The following MTTP variants were observed in gnomAD, a reference collection of about 807,000 sequenced individuals.
MTTP encodes microsomal triglyceride transfer protein.
Under a neutral mutation model 90.6 loss-of-function variants are expected in MTTP, and 49 were observed. The ratio of observed to expected loss-of-function variants is 0.54; its 90% CI spans 0.43 to 0.69. The LOEUF (loss-of-function observed/expected upper bound fraction) is 0.69, where lower values mean the gene tolerates loss of function less well. Among genes scored for constraint, MTTP ranks in the 30% least tolerant of loss-of-function variants. The probability of loss-of-function intolerance (pLI) is 0.00; values close to 1 mark genes in which losing one functional copy is unlikely to be tolerated. For synonymous variants in MTTP, 347 were observed against 384.2 expected (o/e 0.90, Z 1.13); for missense variants, 945 against 1,067.5 (o/e 0.89, Z 1.60).
intron 3 of MTTP, among the ~76,000 whole-genome samples, chr4:99,587,839 G>C (rs553367649): frequency 6.6e-6 from 1 of 152,236 alleles, no homozygotes; most frequent in South Asian, 2.1e-4. Flanking sequence ...ATTACACTGT[G>C]ATTATTAGAG....
At chr4:99,588,408 C>A (rs559373929) in intron 3 of MTTP, among the ~76,000 whole-genome samples, 1 of 152,170 alleles carries the variant, frequency 6.6e-6, no homozygotes, top group Admixed American at 6.6e-5. Context: ...AGGGTGAAAA[C>A]CAACAAGCTG....
chr4:99,591,353 T>C lies in MTTP; in HGVS notation c.618+2T>C. ...TCTGGATTTACGACCCCAAATCAGG[T>C]ATGATAGATGTCACTTTCTTTGAGG... is the stretch of plus-strand genomic sequence containing the variant. On this transcript the variant is annotated splice_donor_variant, in intron 5 of 17. Transcript: ENST00000265517. LOFTEE classifies it high-confidence loss of function. 1 of 1,586,288 alleles carries C rather than the reference T, an allele frequency of 6.3e-7. No individual in the cohort carries two copies. The highest frequency in any genetic ancestry group is 8.7e-7 in the Non-Finnish European group (1 of 1,154,788).
chr4:99,569,791 C>T (rs1724794071), intron 1 of MTTP, among the ~76,000 whole-genome samples: 1 of 151,970 alleles, frequency 6.6e-6, no homozygotes, highest in African/African-American at 2.4e-5. Context: ...GTTTACCAGA[C>T]TGCTTCCTTT....
chr4:99,606,136 C>T (rs912193655), intron 10 of MTTP, among the ~76,000 whole-genome samples: 1 of 152,142 alleles, frequency 6.6e-6, no homozygotes, highest in African/African-American at 2.4e-5. Flanking sequence ...AACTTACACT[C>T]AATCCCCCTT....
chr4:99,570,769 T>A (rs569909289), upstream of MTTP: 2 of 455,628 alleles, frequency 4.4e-6, no homozygotes, highest in Non-Finnish European at 8.8e-6. Flanking sequence ...CAGAGTGATA[T>A]GAAGTAAAAA....
intron 6 of MTTP, among the ~76,000 whole-genome samples, chr4:99,593,207 C>T (rs150849944): frequency 0.023 from 3,536 of 152,112 alleles, 107 homozygotes; most frequent in Middle Eastern, 0.1. Context: ...CAACAATTCA[C>T]GGCACATGGT....
chr4:99,568,510 G>A (rs1212781501), intron 1 of MTTP, among the ~76,000 whole-genome samples: 1 of 152,186 alleles, frequency 6.6e-6, no homozygotes, highest in Non-Finnish European at 1.5e-5. Context: ...TAAATGGAGA[G>A]ATATGTGTTC....
chr4:99,619,833 C>G (rs1477058047), intron 16 of MTTP, among the ~76,000 whole-genome samples: 2 of 152,144 alleles, frequency 1.3e-5, no homozygotes, highest in Admixed American at 6.5e-5. Context: ...TGAAGTGTGA[C>G]CCACAGTGTT....
rs563138284 is a variant in MTTP at position 99,580,574 on chromosome 4, C to CAAAAAAAAAAAAAAAAAAAAAAAAAAAA, written c.62-1305_62-1304insAAAAAAAAAAAAAAAAAAAAAAAAAAAA. Among the ~76,000 whole-genome samples, 37 of 39,898 alleles carry CAAAAAAAAAAAAAAAAAAAAAAAAAAAA rather than the reference C, an allele frequency of 9.3e-4. 1 individual carries two copies. The highest frequency in any genetic ancestry group is 1.8e-3 in the Admixed American group (5 of 2,738). The allele number at this position is 39,898 out of a possible 152,430, so 26.2% of individuals were successfully genotyped here. A position where few individuals can be genotyped will look rare whatever the true frequency, so the allele number is the denominator to read the frequency against. On this transcript the variant is annotated intron_variant, in intron 1 of 17. Coordinates refer to ENST00000265517, the MANE Select transcript of MTTP (RefSeq NM_001386140.1). ...TGGCCGACAGAGTGAGACTCTGTCT[C>CAAAAAAAAAAAAAAAAAAAAAAAAAAAA]AAAAAAAAAAAAAAAAAAAAAAAAA...
In MTTP at chr4:99,622,731, G is replaced by A. The variant is rs544643492; in HGVS notation, c.2568G>A (p.Gln856=). 1 of 1,614,086 alleles carries A rather than the reference G, an allele frequency of 6.2e-7. No homozygotes were observed. Among genetic ancestry groups the A allele is most frequent in the South Asian group, 1.1e-5 (1 of 91,084 alleles). The part of the protein sequence containing the change: ...RLSTGRGYVS[Q]KRKESVLAGC... ...CCACAGGCAGAGGTTATGTCTCTCA[G>A]AAAAGAAAAGAAAGCGTATTAGCAG... Residue 856 remains glutamine (Q), a synonymous_variant, in exon 18 of 18, where the codon CAG becomes CAA. Coordinates refer to ENST00000265517, the MANE Select transcript of MTTP (RefSeq NM_001386140.1).
At chr4:99,602,646 G>C (rs145855658) in intron 10 of MTTP, among the ~76,000 whole-genome samples, 1 of 151,672 alleles carries the variant, frequency 6.6e-6, no homozygotes, top group Non-Finnish European at 1.5e-5. Context: ...AAAAGGCTTG[G>C]GTATTAACTT....
chr4:99,566,288 CAAAAAAAAGAAA>C (rs1485373830), intron 1 of MTTP, among the ~76,000 whole-genome samples: 1 of 80,448 alleles, frequency 1.2e-5, no homozygotes, highest in African/African-American at 5.0e-5. Flanking sequence ...TACTCCGTCT[CAAAAAAAAGAAA>C]AAAAAAAAAA....
At chr4:99,621,642 G>C (rs1726236638) in intron 17 of MTTP, among the ~76,000 whole-genome samples, 1 of 152,138 alleles carries the variant, frequency 6.6e-6, no homozygotes, top group Admixed American at 6.5e-5. Context: ...ATGTTTAAGG[G>C]CCAAAATGAA....
intron 10 of MTTP, among the ~76,000 whole-genome samples, chr4:99,602,901 C>T (rs1578247956): frequency 6.6e-6 from 1 of 152,082 alleles, no homozygotes; most frequent in African/African-American, 2.4e-5. Context: ...ATTCTACCAT[C>T]CTCAAAGAAC....
intron 17 of MTTP, among the ~76,000 whole-genome samples, chr4:99,621,915 T>C (rs77792477): frequency 1.2e-3 from 177 of 152,334 alleles, no homozygotes; most frequent in African/African-American, 3.9e-3. Context: ...ATAGTTGACC[T>C]ACGGTAAGCA....
At chr4:99,581,315 T>C in intron 1 of MTTP, among the ~76,000 whole-genome samples, 1 of 152,214 alleles carries the variant, frequency 6.6e-6, no homozygotes, top group East Asian at 1.9e-4. Flanking sequence ...AGTAAAACAT[T>C]ATTTTATTCG....
In MTTP at chr4:99,591,788, G is replaced by A. The variant is rs750749323; in HGVS notation, c.756G>A (p.Ser252=). ...FLQTIKGKIV[S]KQKLELKTTE... Reference sequence around the variant, plus strand: ...AAACCATTAAGGGGAAAATAGTATCGAAGTAAGATAATGCTAAAATTTTTA... The same window carrying A: ...AAACCATTAAGGGGAAAATAGTATCAAAGTAAGATAATGCTAAAATTTTTA... Residue 252 remains serine, a splice_region_variant and synonymous_variant, in exon 6 of 18, where the codon TCG becomes TCA. Coordinates refer to ENST00000265517, the MANE Select transcript of MTTP (RefSeq NM_001386140.1). 1.5e-5 allele frequency: 24 copies of A among 1,610,458 alleles called. No homozygotes were observed. The highest frequency in any genetic ancestry group is 7.7e-5 in the South Asian group (7 of 90,824).
intron 1 of MTTP, among the ~76,000 whole-genome samples, chr4:99,568,364 C>G (rs1199770828): frequency 1.3e-5 from 2 of 152,096 alleles, no homozygotes; most frequent in Non-Finnish European, 2.9e-5. Flanking sequence ...TATATAGCAG[C>G]AGTGCAGAAC....
At chr4:99,607,478 C>A (rs2110229189) in intron 11 of MTTP, among the ~76,000 whole-genome samples, 1 of 152,248 alleles carries the variant, frequency 6.6e-6, no homozygotes, top group African/African-American at 2.4e-5. Context: ...GGGGCACAGG[C>A]TTTTGAGAAA....
Sources: gnomAD v4.1 joint callset for allele counts (sites outside exome capture counted in the v4.1 genomes callset) on GRCh38, gnomAD v4.1.1 for gene constraint, MANE v1.5 for transcripts, NCBI Gene and HGNC (gene_info 2026-07-23, HGNC 2026-07-21) for gene names.